NCKAP5: variants seen among roughly 807,000 people sequenced by gnomAD.
NCKAP5 encodes nck-associated protein 5.
In NCKAP5, 92 loss-of-function variants were observed where a neutral mutation model predicts 167.0. The ratio of observed to expected loss-of-function variants is 0.55; its 90% CI spans 0.47 to 0.66. The LOEUF is 0.66. Among genes scored for constraint, NCKAP5 ranks in the 30% least tolerant of loss-of-function variants. NCKAP5 has a pLI of 0.00. For synonymous variants in NCKAP5, 891 were observed against 877.4 expected, an observed-to-expected ratio of 1.02 and a Z score of -0.27; for missense variants, 2,378 against 2,315.0, an observed-to-expected ratio of 1.03 and a Z score of -0.56.
chr2:133,150,159 A>G (rs558871677), intron 5 of NCKAP5, among the ~76,000 whole-genome samples: 1 of 152,208 alleles, frequency 6.6e-6, no homozygotes, highest in Non-Finnish European at 1.5e-5. Context: ...TATAAAATGG[A>G]CAATTCCAGA....
the NCKAP5 span, among the ~76,000 whole-genome samples, chr2:133,654,689 C>G: frequency 6.6e-6 from 1 of 152,146 alleles, no homozygotes; most frequent in African/African-American, 2.4e-5. Flanking sequence ...CGCACAATAC[C>G]AGCCACGTGG....
In NCKAP5 at chr2:132,782,105, A is replaced by G. The variant is rs1358636766; in HGVS notation, c.4706T>C (p.Ile1569Thr). 1.9e-6 allele frequency: 3 copies of G among 1,613,868 alleles called. No homozygotes were observed. The African/African-American group carries it at 4.0e-5, about 22-fold the overall frequency. Residue 1569 changes from isoleucine to threonine, a missense_variant, in exon 14 of 20, where the codon ATC becomes ACC. By Grantham distance (89) the Ile-to-Thr change is moderately conservative. Around this residue, in one of 3 missense-constraint regions of NCKAP5, gnomAD observed 1,325 missense variants for 1,274.5 expected, o/e 1.04. Transcript: ENST00000409261. ...ELQCETENEL[I>T]KDTKSADNPD... is the part of the protein sequence containing the mutation. Reference sequence around the variant, plus strand: ...ATTATCTGCTGACTTGGTGTCCTTGATAAGCTCATTTTCTGTCTCACACTG... The same window carrying G: ...ATTATCTGCTGACTTGGTGTCCTTGGTAAGCTCATTTTCTGTCTCACACTG...
chr2:133,185,308 T>C (rs2084898307), intron 5 of NCKAP5, among the ~76,000 whole-genome samples: 1 of 152,060 alleles, frequency 6.6e-6, no homozygotes, highest in African/African-American at 2.4e-5. Flanking sequence ...CTATTCTTTC[T>C]CACTGGTCTA....
intron 11 of NCKAP5, among the ~76,000 whole-genome samples, chr2:132,843,652 T>G (rs1688462578): frequency 6.6e-6 from 1 of 152,082 alleles, no homozygotes; most frequent in Non-Finnish European, 1.5e-5. Context: ...CAATGGCTTT[T>G]GACTACTTTC....
intron 3 of NCKAP5, among the ~76,000 whole-genome samples, chr2:133,363,090 A>G (rs1255194997): frequency 6.6e-6 from 1 of 152,058 alleles, no homozygotes. Flanking sequence ...CTTGATAACC[A>G]AGAAGCAGGC....
intron 15 of NCKAP5, among the ~76,000 whole-genome samples, chr2:132,778,933 T>C (rs1172546514): frequency 6.6e-6 from 1 of 152,206 alleles, no homozygotes; most frequent in Non-Finnish European, 1.5e-5. Context: ...CAATCCATGC[T>C]GATGATTATG....
At chr2:133,011,045 C>T (rs6752987) in intron 6 of NCKAP5, among the ~76,000 whole-genome samples, 2,314 of 152,104 alleles carry the variant, frequency 0.015, 59 homozygotes, top group African/African-American at 0.053. Context: ...ACACCAAATT[C>T]CCAAGTGATA....
intron 18 of NCKAP5, among the ~76,000 whole-genome samples, chr2:132,727,654 C>T (rs1690592927): frequency 6.6e-6 from 1 of 152,206 alleles, no homozygotes; most frequent in Non-Finnish European, 1.5e-5. Context: ...CAGTTTCCTC[C>T]TTTGCCTCTC....
At chr2:132,826,268 A>T (rs1045168133) in intron 11 of NCKAP5, among the ~76,000 whole-genome samples, 3 of 152,232 alleles carry the variant, frequency 2.0e-5, no homozygotes, top group African/African-American at 7.2e-5. Context: ...ATTTCAGTGG[A>T]TTCCCACTCT....
intron 19 of NCKAP5, among the ~76,000 whole-genome samples, chr2:132,692,874 C>G (rs999457848): frequency 1.3e-5 from 2 of 152,182 alleles, no homozygotes; most frequent in Admixed American, 6.5e-5. Context: ...TTCTCAGGCA[C>G]TATTCCATGG....
chr2:133,310,804 T>C (rs775866442), intron 3 of NCKAP5, among the ~76,000 whole-genome samples: 5 of 152,194 alleles, frequency 3.3e-5, no homozygotes, highest in Non-Finnish European at 7.3e-5. Flanking sequence ...ACCAGGCTCA[T>C]GAGAGAATCT....
At chr2:132,805,286 A>G (rs1033759640) in intron 11 of NCKAP5, among the ~76,000 whole-genome samples, 1 of 152,162 alleles carries the variant, frequency 6.6e-6, no homozygotes, top group African/African-American at 2.4e-5. Context: ...GCCTAATGTC[A>G]CATAAATAGT....
At position 132,963,884 on chromosome 2, in the gene NCKAP5, A is replaced by C. The variant is rs748437846; in HGVS notation, c.430-15T>G. On this transcript the variant is annotated splice_polypyrimidine_tract_variant and intron_variant, in intron 7 of 19. Transcript: ENST00000409261. ...GACAGCTTTTCCTGAAGCAAGAAAG[A>C]ATTACTGTTTTCAATAATCTCCAGT... 5.6e-6 allele frequency: 9 copies of C among 1,613,000 alleles called. No homozygotes were observed. The highest frequency in any genetic ancestry group is 6.8e-6 in the Non-Finnish European group (8 of 1,179,724).
Position 133,034,443 on chromosome 2 carries a change from ATAG to A in NCKAP5, c.342-40207_342-40205del, listed in dbSNP as rs147356659. 7.5e-3 allele frequency among the ~76,000 whole-genome samples: 1,140 copies of A among 152,266 alleles called. 10 individuals carry two copies. The highest frequency in any genetic ancestry group is 0.025 in the African/African-American group (1,055 of 41,572). On this transcript the variant is annotated intron_variant, in intron 6 of 19. Transcript: ENST00000409261. Reference sequence around the variant, plus strand: ...TCTGAAGGTACAAAACTCAACATTTATAGTAAGCACACAGAAAAATACAGAATA... The same window carrying A: ...TCTGAAGGTACAAAACTCAACATTTATAAGCACACAGAAAAATACAGAATA...
At chr2:132,765,340 T>A (rs1681372000) in intron 16 of NCKAP5, among the ~76,000 whole-genome samples, 1 of 149,960 alleles carries the variant, frequency 6.7e-6, no homozygotes, top group African/African-American at 2.5e-5. Context: ...GAGACGGAGT[T>A]TCGCTCTGTC....
intron 7 of NCKAP5, among the ~76,000 whole-genome samples, chr2:132,989,150 G>C (rs192618497): frequency 6.6e-6 from 1 of 152,246 alleles, no homozygotes; most frequent in Non-Finnish European, 1.5e-5. Context: ...CCCTGTAAAG[G>C]GGGTAACCCT....
chr2:133,024,946 C>A (rs1443936676), intron 6 of NCKAP5, among the ~76,000 whole-genome samples: 1 of 152,114 alleles, frequency 6.6e-6, no homozygotes, highest in Admixed American at 6.6e-5. Context: ...TGACTATATG[C>A]CATATAGAAA....
At chr2:133,601,067 T>C in the NCKAP5 span, among the ~76,000 whole-genome samples, 1 of 152,232 alleles carries the variant, frequency 6.6e-6, no homozygotes, top group Non-Finnish European at 1.5e-5. Flanking sequence ...CGGCAGTCTT[T>C]ACGGCGCCTT....
At chr2:133,089,537 A>G (rs2081103623) in intron 6 of NCKAP5, among the ~76,000 whole-genome samples, 1 of 152,220 alleles carries the variant, frequency 6.6e-6, no homozygotes. Context: ...GGCATAGTCT[A>G]CCAAAATGGT....
Sources: gnomAD v4.1 joint callset for allele counts (sites outside exome capture counted in the v4.1 genomes callset) on GRCh38, gnomAD v4.1.1 for gene constraint, gnomAD v4.1.1 regional missense constraint, MANE v1.5 for transcripts, NCBI Gene and HGNC (gene_info 2026-07-23, HGNC 2026-07-21) for gene names.